MYO18B: variants seen among roughly 807,000 people sequenced by gnomAD.
The protein encoded by MYO18B is myosin XVIIIB.
Under a neutral mutation model 273.0 loss-of-function variants are expected in MYO18B, and 204 were observed. That is an observed-to-expected ratio of 0.75 (90% CI 0.67 to 0.84). MYO18B has a LOEUF of 0.84. Among genes scored for constraint, MYO18B ranks in the 40% least tolerant of loss-of-function variants. The pLI is 0.00. For missense variants in MYO18B, 3,212 were observed against 3,287.6 expected (o/e 0.98, Z 0.56); for synonymous variants, 1,330 against 1,305.7 (o/e 1.02, Z -0.40).
chr22:25,996,076 G>A lies in MYO18B; in HGVS notation c.6287+3583G>A, dbSNP rs545256284. Among the ~76,000 whole-genome samples, 5 of 152,310 alleles carry A rather than the reference G, an allele frequency of 3.3e-5. No homozygotes were observed. The South Asian group carries it at 1.0e-3, about 32-fold the overall frequency. On this transcript the variant is annotated intron_variant, in intron 40 of 43. Transcript: ENST00000335473. Reference sequence around the variant, plus strand: ...TGGGAAGTCAAGGAAGAATTTGAGAGGGAATAGGCTTTGCACATCAACAAG... The same window carrying A: ...TGGGAAGTCAAGGAAGAATTTGAGAAGGAATAGGCTTTGCACATCAACAAG...
intron 12 of MYO18B, among the ~76,000 whole-genome samples, chr22:25,818,449 A>C (rs919800157): frequency 7.4e-4 from 113 of 152,318 alleles, no homozygotes; most frequent in African/African-American, 2.5e-3. Context: ...TTTTGACTTT[A>C]CTGGGTCTGT....
chr22:25,798,512 T>C (rs2088031562), intron 12 of MYO18B, among the ~76,000 whole-genome samples: 1 of 152,190 alleles, frequency 6.6e-6, no homozygotes, highest in Non-Finnish European at 1.5e-5. Flanking sequence ...CTCTAGAATA[T>C]GCAAGGGAAG....
At chr22:25,980,262 C>T (rs987687950) in intron 39 of MYO18B, among the ~76,000 whole-genome samples, 1 of 152,202 alleles carries the variant, frequency 6.6e-6, no homozygotes, top group African/African-American at 2.4e-5. Flanking sequence ...AACTCTTTAT[C>T]ATCTACATTT....
intron 39 of MYO18B, among the ~76,000 whole-genome samples, chr22:25,956,810 C>A (rs553385074): frequency 1.3e-5 from 2 of 152,298 alleles, no homozygotes; most frequent in South Asian, 4.1e-4. Flanking sequence ...CCTGCATTAT[C>A]CGCTCTGGTG....
intron 11 of MYO18B, among the ~76,000 whole-genome samples, chr22:25,790,360 G>A (rs2087608598): frequency 1.3e-5 from 2 of 152,140 alleles, no homozygotes; most frequent in Admixed American, 1.3e-4. Flanking sequence ...ACCTTTTTGT[G>A]GTTCTTAGTG....
At chr22:25,939,344 C>T (rs1488322074) in intron 34 of MYO18B, among the ~76,000 whole-genome samples, 3 of 152,234 alleles carry the variant, frequency 2.0e-5, no homozygotes, top group Non-Finnish European at 2.9e-5. Flanking sequence ...TATGTCTCTG[C>T]CACCTCTTAG....
chr22:25,850,924 C>T (rs2090407440), intron 20 of MYO18B, among the ~76,000 whole-genome samples: 1 of 152,174 alleles, frequency 6.6e-6, no homozygotes, highest in Admixed American at 6.5e-5. Context: ...TTTTCAGGTG[C>T]CCCTTCTCTT....
intron 12 of MYO18B, among the ~76,000 whole-genome samples, chr22:25,818,156 T>C (rs569138239): frequency 6.6e-6 from 1 of 152,358 alleles, no homozygotes; most frequent in African/African-American, 2.4e-5. Flanking sequence ...ATAGAGTGTG[T>C]GATCCCCTCT....
chr22:26,054,298 T>C, the MYO18B span, among the ~76,000 whole-genome samples: 1 of 152,178 alleles, frequency 6.6e-6, no homozygotes, highest in African/African-American at 2.4e-5. Flanking sequence ...GACAGTTTCT[T>C]ACCAGAGCTC....
chr22:25,944,702 C>T (rs1000397945), intron 34 of MYO18B, among the ~76,000 whole-genome samples: 9 of 152,050 alleles, frequency 5.9e-5, no homozygotes, highest in African/African-American at 1.9e-4. Flanking sequence ...CAAAAATTAG[C>T]CGTGCATGGT....
chr22:26,046,590 A>G, the MYO18B span, among the ~76,000 whole-genome samples: 9 of 152,212 alleles, frequency 5.9e-5, no homozygotes, highest in Admixed American at 5.9e-4. Flanking sequence ...TTAGAGCACC[A>G]GCATTTCTTG....
chr22:25,998,267 A>G (rs1464225370), intron 40 of MYO18B, among the ~76,000 whole-genome samples: 1 of 152,182 alleles, frequency 6.6e-6, no homozygotes, highest in Non-Finnish European at 1.5e-5. Flanking sequence ...GGCCTAAAGT[A>G]TGCTCATTAT....
intron 39 of MYO18B, among the ~76,000 whole-genome samples, chr22:25,989,066 CT>C (rs1569268533): frequency 1.3e-5 from 2 of 152,214 alleles, no homozygotes; most frequent in Non-Finnish European, 2.9e-5. Context: ...CTCCTCTACC[CT>C]CCAGGAAGCT....
intron 9 of MYO18B, among the ~76,000 whole-genome samples, chr22:25,780,749 C>T: frequency 6.6e-6 from 1 of 152,200 alleles, no homozygotes; most frequent in Admixed American, 6.5e-5. Context: ...AGCAAGCCAG[C>T]CCGTCTGTGC....
chr22:25,767,397 G>T (rs559766601), intron 3 of MYO18B, among the ~76,000 whole-genome samples: 1 of 152,348 alleles, frequency 6.6e-6, no homozygotes, highest in Admixed American at 6.5e-5. Context: ...TGGGGATCAG[G>T]GCAGTGGAAG....
Position 25,858,708 on chromosome 22 carries a change from C to A in MYO18B, c.3885+7129C>A, listed in dbSNP as rs117331264. Among the ~76,000 whole-genome samples the A allele has an allele frequency of 0.011, 1,740 of 152,294 alleles. 66 individuals are homozygous for A. The East Asian group carries it at 0.14, about 12-fold the overall frequency. On this transcript the variant is annotated intron_variant, in intron 21 of 43. Transcript: ENST00000335473. The stretch of plus-strand genomic sequence containing the variant: ...CTGGGCTCAATTTGACACAGGCTAT[C>A]GGAATTTTCCTACTTAAGGTGGAGA...
At chr22:26,013,187 T>A (rs1469474205) in intron 42 of MYO18B, among the ~76,000 whole-genome samples, 1 of 152,200 alleles carries the variant, frequency 6.6e-6, no homozygotes, top group Non-Finnish European at 1.5e-5. Context: ...TGTCAGTGGT[T>A]CTCAACTGGA....
chr22:25,989,426 AGGTGCCACATCT>A (rs1446351266), intron 39 of MYO18B, among the ~76,000 whole-genome samples: 3 of 152,150 alleles, frequency 2.0e-5, no homozygotes, highest in Non-Finnish European at 4.4e-5. Context: ...ACAAAGATAC[AGGTGCCACATCT>A]GGGAGAAAGT....
In MYO18B at chr22:25,878,026, A is replaced by G; in HGVS notation, c.4292A>G (p.Asn1431Ser). The G allele has an allele frequency of 1.3e-6, 2 of 1,583,004 alleles. No homozygotes were observed. Among genetic ancestry groups the G allele is most frequent in the African/African-American group, 2.7e-5 (2 of 74,356 alleles). The change falls in exon 25 of 44, where the codon AAC (asparagine) becomes AGC (serine). Residue 1431 changes from asparagine (N) to serine (S), a missense_variant. Asn to Ser is a conservative substitution (Grantham distance 46). Coordinates refer to ENST00000335473, the MANE Select transcript of MYO18B (RefSeq NM_032608.7). ...SEKLRNELRQ[N>S]TDLLESKIAD... is the part of the protein sequence containing the mutation. ...AAGTTGCGGAATGAACTCCGGCAGA[A>G]CACAGATCTGCTAGAAAGCAAGGTA...
Sources: gnomAD v4.1 joint callset for allele counts (sites outside exome capture counted in the v4.1 genomes callset) on GRCh38, gnomAD v4.1.1 for gene constraint, MANE v1.5 for transcripts, NCBI Gene and HGNC (gene_info 2026-07-23, HGNC 2026-07-21) for gene names.